Variants in CD70 observed in about 807,000 individuals in gnomAD.
CD70 encodes the protein CD70 antigen.
A neutral mutation model predicts 9.0 loss-of-function variants in CD70; 6 were observed. The ratio of observed to expected loss-of-function variants is 0.67; its 90% CI spans 0.37 to 1.32. The LOEUF is 1.32. Among genes scored for constraint, CD70 ranks in the 40% most tolerant of loss-of-function variants. The probability of loss-of-function intolerance (pLI) is 0.02; values close to 1 mark genes in which losing one functional copy is unlikely to be tolerated. For synonymous variants in CD70, 108 were observed against 112.3 expected (o/e 0.96, Z 0.24); for missense variants, 235 against 258.7 (o/e 0.91, Z 0.63).
At chr19:6,589,821 T>C (rs528056437) in intron 2 of CD70, among the ~76,000 whole-genome samples, 3 of 121,840 alleles carry the variant, frequency 2.5e-5, no homozygotes, top group African/African-American at 8.9e-5. Context: ...CGTCTCTCCC[T>C]GTTTCTTTCT....
chr19:6,586,291 T>C lies in CD70; in HGVS notation c.311A>G (p.Tyr104Cys). The C allele has an allele frequency of 1.2e-6, 2 of 1,613,936 alleles. No homozygotes were observed. The highest frequency in any genetic ancestry group is 1.7e-6 in the Non-Finnish European group (2 of 1,180,016). ...CAGCGTCACCTGGATGTGTACCATG[T>C]AGATGCCATCACGATGGATACGTAG... ...GQLRIHRDGI[Y>C]MVHIQVTLAI... Residue 104 changes from tyrosine to cysteine, a missense_variant, in exon 3 of 3, where the codon TAC (tyrosine) becomes TGC (cysteine). Coordinates refer to ENST00000245903, the MANE Select transcript of CD70 (RefSeq NM_001252.5).
At chr19:6,587,739 T>C (rs1319060151) in intron 2 of CD70, among the ~76,000 whole-genome samples, 2 of 152,092 alleles carry the variant, frequency 1.3e-5, no homozygotes, top group Admixed American at 1.3e-4. Flanking sequence ...AGACAGGGTC[T>C]GGTCCTGTCA....
rs1916149926 is a variant in CD70, at chr19:6,591,093, CG to C, written c.-92del. On this transcript the variant is annotated 5_prime_UTR_variant, in exon 1 of 3. Transcript: ENST00000245903. ...AAGGAAGGAAACTGCAGCCCCCTCC[CG>C]GGGCTCCTGGGCGTCTACTTGCTTC... The C allele has an allele frequency of 7.4e-7, 1 of 1,359,094 alleles. No homozygotes were observed. Among genetic ancestry groups the C allele is most frequent in the East Asian group, 2.6e-5 (1 of 39,192 alleles). The allele number at this position is 1,359,094 out of a possible 1,614,324, so 84.2% of individuals were successfully genotyped here. A position where few individuals can be genotyped will look rare whatever the true frequency, so the allele number is the denominator to read the frequency against.
chr19:6,585,109 C>T (rs923074820), downstream of CD70, among the ~76,000 whole-genome samples: 1 of 151,980 alleles, frequency 6.6e-6, no homozygotes, highest in East Asian at 1.9e-4. Flanking sequence ...GCCTCAGCCT[C>T]CTGAGTAGCT....
chr19:6,590,373 C>T lies in CD70; in HGVS notation c.163-237G>A, dbSNP rs1916131037. On this transcript the variant is annotated intron_variant, in intron 1 of 2. Transcript: ENST00000245903. The surrounding 1 kb of genome is among the most constrained non-coding windows in gnomAD (Gnocchi z 5.3). The stretch of plus-strand genomic sequence containing the variant: ...GACCTTCAAAAGAACTTCTTCGTTT[C>T]CCGAATCGTTTTCCTGGATGTCACT... 6.6e-6 allele frequency among the ~76,000 whole-genome samples: 1 copy of T among 152,216 alleles called. No individual in the cohort carries two copies. The highest frequency in any genetic ancestry group is 2.1e-4 in the South Asian group (1 of 4,836).
At position 6,590,057 on chromosome 19, in the gene CD70, C is replaced by T. The variant is rs567611299; in HGVS notation, c.196+46G>A. 368 of 1,544,404 alleles carry T rather than the reference C, an allele frequency of 2.4e-4. 5 individuals are homozygous for T. In the South Asian group the frequency reaches 3.9e-3, roughly 16 times the overall value. Reference sequence around the variant, plus strand: ...TCTTTCTACCTCTCCTTCCTTCTCTCTCTGTGCCTCTTCTTCTCCCCGTCC... The same window carrying T: ...TCTTTCTACCTCTCCTTCCTTCTCTTTCTGTGCCTCTTCTTCTCCCCGTCC... On this transcript the variant is annotated intron_variant, in intron 2 of 2. Coordinates refer to ENST00000245903, the MANE Select transcript of CD70 (RefSeq NM_001252.5). This position sits in a 1 kb window ranked among gnomAD's most constrained non-coding sequence, Gnocchi z 5.3.
At chr19:6,587,018 GGAC>G (rs1916035900) in intron 2 of CD70, among the ~76,000 whole-genome samples, 1 of 151,848 alleles carries the variant, frequency 6.6e-6, no homozygotes, top group Non-Finnish European at 1.5e-5. Flanking sequence ...GTGTGAGAGA[GGAC>G]GAGAGTGCAC....
intron 2 of CD70, among the ~76,000 whole-genome samples, chr19:6,588,029 C>T (rs1467780290): frequency 6.6e-6 from 1 of 152,168 alleles, no homozygotes; most frequent in African/African-American, 2.4e-5. Flanking sequence ...TCACGTGTTT[C>T]ATCTCAGCGT....
downstream of CD70, among the ~76,000 whole-genome samples, chr19:6,582,472 A>T (rs1172101134): frequency 2.0e-5 from 3 of 151,136 alleles, no homozygotes; most frequent in East Asian, 5.8e-4. Flanking sequence ...TGTCATTTAC[A>T]TTAGGTATTT....
In CD70 at chr19:6,586,079, G is replaced by T. The variant is rs950733583; in HGVS notation, c.523C>A (p.Leu175Ile). 6.2e-7 allele frequency: 1 copy of T among 1,614,138 alleles called. No homozygotes were observed. The highest frequency in any genetic ancestry group is 8.5e-7 in the Non-Finnish European group (1 of 1,179,970). ...TCATCAGTGTTTCGGGAAGGCAAAA[G>T]TGTCCCAGTGAGGTTGGTGCAGAGT... ...DTLCTNLTGT[L>I]LPSRNTDETF... Residue 175 changes from leucine (L) to isoleucine (I), a missense_variant, in exon 3 of 3, where the codon CTT becomes ATT. Transcript: ENST00000245903.
At chr19:6,583,789 ATTTTT>A (rs59486408), downstream of CD70, among the ~76,000 whole-genome samples, 5 of 98,884 alleles carry the variant, frequency 5.1e-5, no homozygotes, top group Non-Finnish European at 8.1e-5. Flanking sequence ...TGTGGTCTTG[ATTTTT>A]TTTTTTTTTT....
downstream of CD70, among the ~76,000 whole-genome samples, chr19:6,582,061 G>A (rs986911709): frequency 6.8e-5 from 10 of 147,890 alleles, no homozygotes; most frequent in Non-Finnish European, 8.9e-5. Flanking sequence ...ACAGAGTGTC[G>A]CTCTGTCACC....
At position 6,591,075 on chromosome 19, in the gene CD70, G is replaced by A; in HGVS notation, c.-73C>T. The A allele has an allele frequency of 6.8e-7, 1 of 1,479,562 alleles. No individual in the cohort carries two copies. Among genetic ancestry groups the A allele is most frequent in the African/African-American group, 1.4e-5 (1 of 70,768 alleles). The allele number at this position is 1,479,562 out of a possible 1,614,324, so 91.7% of individuals were successfully genotyped here. On this transcript the variant is annotated 5_prime_UTR_variant, in exon 1 of 3. Coordinates refer to ENST00000245903, the MANE Select transcript of CD70 (RefSeq NM_001252.5). Reference sequence around the variant, plus strand: ...GGAGCGCTGCCGAGAAGGAAGGAAGGAAACTGCAGCCCCCTCCCGGGGCTC... The same window carrying A: ...GGAGCGCTGCCGAGAAGGAAGGAAGAAAACTGCAGCCCCCTCCCGGGGCTC...
intron 2 of CD70, among the ~76,000 whole-genome samples, chr19:6,587,063 A>T (rs1008711289): frequency 5.4e-5 from 8 of 148,940 alleles, no homozygotes; most frequent in African/African-American, 2.0e-4. Flanking sequence ...TGAGAGAGAG[A>T]GCATGAGAGA....
chr19:6,588,222 C>G (rs1916072136), intron 2 of CD70, among the ~76,000 whole-genome samples: 1 of 152,140 alleles, frequency 6.6e-6, no homozygotes, highest in African/African-American at 2.4e-5. Context: ...CCCTGTCACA[C>G]ACTTAGGCAT....
downstream of CD70, chr19:6,585,777 C>A (rs8111615): frequency 3.5e-3 from 1,498 of 423,836 alleles, 21 homozygotes; most frequent in African/African-American, 0.027. Context: ...TCGGTTCAAG[C>A]GATTCTCCTG....
chr19:6,589,017 G>T (rs1432271929), intron 2 of CD70, among the ~76,000 whole-genome samples: 1 of 152,158 alleles, frequency 6.6e-6, no homozygotes, highest in Admixed American at 6.5e-5. Flanking sequence ...TTCTTCCAAG[G>T]GAGGAGATCG....
chr19:6,581,869 A>G (rs1027874460), downstream of CD70, among the ~76,000 whole-genome samples: 3 of 152,164 alleles, frequency 2.0e-5, no homozygotes, highest in African/African-American at 7.2e-5. Flanking sequence ...ATCTGAGACA[A>G]GGCACGTCCC....
chr19:6,590,675 G>T lies in CD70; in HGVS notation c.162+166C>A, dbSNP rs962734593. On this transcript the variant is annotated intron_variant, in intron 1 of 2. Coordinates refer to ENST00000245903, the MANE Select transcript of CD70 (RefSeq NM_001252.5). The surrounding 1 kb of genome is among the most constrained non-coding windows in gnomAD (Gnocchi z 5.3). Reference sequence around the variant, plus strand: ...ACCTCCTGGCAGGGCTGCCTGTCTCGTAGCCCCTACACCGGGCAGCCTGGT... The same window carrying T: ...ACCTCCTGGCAGGGCTGCCTGTCTCTTAGCCCCTACACCGGGCAGCCTGGT... Among the ~76,000 whole-genome samples, 3 of 152,128 alleles carry T rather than the reference G, an allele frequency of 2.0e-5. No homozygotes were observed. The highest frequency in any genetic ancestry group is 7.2e-5 in the African/African-American group (3 of 41,430).
Sources: allele counts gnomAD v4.1 joint callset (sites outside exome capture counted in the v4.1 genomes callset), GRCh38; gene constraint gnomAD v4.1.1; non-coding constraint Gnocchi (gnomAD v3.1); transcripts MANE v1.5; gene names NCBI Gene and HGNC (gene_info 2026-07-23, HGNC 2026-07-21).